OPA1: variants seen among roughly 807,000 people sequenced by gnomAD.
The protein encoded by OPA1 is dynamin-like GTPase OPA1, mitochondrial.
A neutral mutation model predicts 152.9 loss-of-function variants in OPA1; 59 were observed. The observed-to-expected ratio is 0.39, with a 90% CI of 0.31 to 0.48. The LOEUF (loss-of-function observed/expected upper bound fraction) is 0.48. OPA1 is among the 20% of genes least tolerant of loss of function. The pLI is 0.96. For synonymous variants in OPA1, 400 were observed against 389.9 expected (o/e 1.03, Z -0.31); for missense variants, 1,008 against 1,216.8 (o/e 0.83, Z 2.55).
chr3:193,610,997 G>A (rs1728146510), intron 1 of OPA1, among the ~76,000 whole-genome samples: 1 of 152,214 alleles, frequency 6.6e-6, no homozygotes. Context: ...GTGAGGCGAT[G>A]CCTCGCCCTG....
chr3:193,614,778 C>G lies in OPA1; in HGVS notation c.88C>G (p.Leu30Val). The G allele has an allele frequency of 6.2e-7, 1 of 1,614,096 alleles. No individual in the cohort carries two copies. The highest frequency in any genetic ancestry group is 8.5e-7 in the Non-Finnish European group (1 of 1,179,946). ...HSSGIKGSLPLQKLHLVSRSI... is the reference protein window; with the variant it reads ...HSSGIKGSLPVQKLHLVSRSI... The stretch of plus-strand genomic sequence containing the variant: ...CTCTGGAATAAAAGGAAGTTTACCA[C>G]TACAAAAACTACATCTGGTTTCACG... Residue 30 changes from leucine (L) to valine (V), a missense_variant, in exon 2 of 31, where the codon CTA (leucine) becomes GTA (valine). Coordinates refer to ENST00000361510, the MANE Select transcript of OPA1 (RefSeq NM_130837.3).
At chr3:193,679,108 C>T (rs1234073911) in intron 29 of OPA1, among the ~76,000 whole-genome samples, 1 of 152,042 alleles carries the variant, frequency 6.6e-6, no homozygotes, top group Non-Finnish European at 1.5e-5. Flanking sequence ...GGGAGGGGAA[C>T]AGCATACGCC....
intron 9 of OPA1, 117 bp from the exon 10 acceptor site, chr3:193,637,078 A>G: frequency 1.8e-6 from 1 of 565,088 alleles, no homozygotes. Context: ...TTGAGAAAAC[A>G]GTACAATGAT....
intron 19 of OPA1, among the ~76,000 whole-genome samples, chr3:193,647,789 G>A (rs192705946): frequency 2.6e-5 from 4 of 152,210 alleles, no homozygotes; most frequent in African/African-American, 7.2e-5. Context: ...GGCTGTTGGT[G>A]GTACAACTGC....
intron 29 of OPA1, among the ~76,000 whole-genome samples, chr3:193,680,479 T>G (rs1201861914): frequency 1.3e-5 from 2 of 152,232 alleles, no homozygotes; most frequent in African/African-American, 4.8e-5. Flanking sequence ...CCATGTGTTT[T>G]CTTGTCCCAT....
chr3:193,667,408 C>A (rs112787334), intron 29 of OPA1, 128 bp downstream of exon 29: 1 of 706,996 alleles, frequency 1.4e-6, no homozygotes, highest in Non-Finnish European at 2.6e-6. Flanking sequence ...CGGTGGCTCA[C>A]GCTTGTAATC....
chr3:193,628,945 C>G (rs1444195633), intron 7 of OPA1, among the ~76,000 whole-genome samples: 1 of 152,074 alleles, frequency 6.6e-6, no homozygotes, highest in Non-Finnish European at 1.5e-5. Flanking sequence ...CGGAGTTTCG[C>G]TCTTGTTGCT....
chr3:193,602,987 A>G (rs1285428709), intron 1 of OPA1, among the ~76,000 whole-genome samples: 1 of 152,244 alleles, frequency 6.6e-6, no homozygotes, highest in Non-Finnish European at 1.5e-5. Flanking sequence ...AATGAAGTCC[A>G]TCTGTAAATG....
At position 193,645,906 on chromosome 3, in the gene OPA1, G is replaced by A. The variant is rs34222475; in HGVS notation, c.1754+106G>A. 130,227 of 923,858 alleles carry A rather than the reference G, an allele frequency of 0.14. 10,442 individuals are homozygous for A. The highest frequency in any genetic ancestry group is 0.16 in the Non-Finnish European group (98,346 of 597,872). The allele number at this position is 923,858 out of a possible 1,614,324, so 57.2% of individuals were successfully genotyped here. On this transcript the variant is annotated intron_variant, in intron 18 of 30. Transcript: ENST00000361510. ...GTTTTATAACTATTAGTTTAACATC[G>A]GATTTCTAGAATTTTTCCCAAATAG... is the stretch of plus-strand genomic sequence containing the variant.
At chr3:193,595,621 A>T (rs888213356) in intron 1 of OPA1, among the ~76,000 whole-genome samples, 1 of 152,166 alleles carries the variant, frequency 6.6e-6, no homozygotes. Context: ...CCTTCATGGA[A>T]TCTGTTAGGG....
chr3:193,676,979 CAAA>C (rs151218523), intron 29 of OPA1, among the ~76,000 whole-genome samples: 3,881 of 70,860 alleles, frequency 0.055, 76 homozygotes, highest in East Asian at 0.084. Flanking sequence ...AGACTCGTCT[CAAA>C]AAAAAAAAAA....
At chr3:193,671,264 G>A (rs11928570) in intron 29 of OPA1, among the ~76,000 whole-genome samples, 2,179 of 152,226 alleles carry the variant, frequency 0.014, 49 homozygotes, top group African/African-American at 0.048. Context: ...AAAACCATAT[G>A]CAAGAAGACT....
chr3:193,633,029 A>G (rs1296634115), intron 8 of OPA1, among the ~76,000 whole-genome samples: 3 of 152,136 alleles, frequency 2.0e-5, no homozygotes, highest in African/African-American at 7.2e-5. Context: ...TTTGAGTCAC[A>G]GGTTTCTTTG....
intron 10 of OPA1, 118 bp from the exon 11 acceptor site, chr3:193,637,834 T>C: frequency 1.2e-6 from 1 of 834,894 alleles, no homozygotes. Context: ...TTTTAAAATA[T>C]TTTTTCACCT....
At chr3:193,671,941 A>C (rs967377777) in intron 29 of OPA1, among the ~76,000 whole-genome samples, 1 of 152,238 alleles carries the variant, frequency 6.6e-6, no homozygotes, top group African/African-American at 2.4e-5. Flanking sequence ...TCTTGTTTGC[A>C]GTATCTACCC....
rs1716542425 is a variant in OPA1 at position 193,666,393 on chromosome 3, A to G, written c.2872+4A>G. 6.2e-7 allele frequency: 1 copy of G among 1,605,734 alleles called. No homozygotes were observed. Among genetic ancestry groups the G allele is most frequent in the Non-Finnish European group, 8.5e-7 (1 of 1,172,486 alleles). ...CAACAACTTACAAATACTGAAGGTA[A>G]GCCACATAGGGACTGCAGTCTTATT... On this transcript the variant is annotated splice_donor_region_variant and intron_variant, in intron 28 of 30. Coordinates refer to ENST00000361510, the MANE Select transcript of OPA1 (RefSeq NM_130837.3).
At chr3:193,613,967 G>T (rs767643798) in intron 1 of OPA1, 1 of 518,958 alleles carries the variant, frequency 1.9e-6, no homozygotes, top group Non-Finnish European at 3.8e-6. Flanking sequence ...TTATTAGTAA[G>T]CAACTAATAG....
At chr3:193,674,148 TC>T (rs992370637) in intron 29 of OPA1, among the ~76,000 whole-genome samples, 3 of 152,224 alleles carry the variant, frequency 2.0e-5, no homozygotes, top group Non-Finnish European at 4.4e-5. Flanking sequence ...AGTTTGTTTC[TC>T]TTGGGAGTAG....
intron 7 of OPA1, among the ~76,000 whole-genome samples, chr3:193,628,797 T>C (rs968724415): frequency 3.3e-5 from 5 of 152,186 alleles, no homozygotes; most frequent in Non-Finnish European, 7.4e-5. Context: ...CTTAAGAAAA[T>C]ATATAAAAAT....
Sources: gnomAD v4.1 joint callset for allele counts (sites outside exome capture counted in the v4.1 genomes callset) on GRCh38, gnomAD v4.1.1 for gene constraint, MANE v1.5 for transcripts, NCBI Gene and HGNC (gene_info 2026-07-23, HGNC 2026-07-21) for gene names.